MGST1: variants seen among roughly 807,000 people sequenced by gnomAD.
MGST1 encodes glutathione S-transferase 12.
In MGST1, 5 loss-of-function variants were observed where a neutral mutation model predicts 8.9. The observed-to-expected ratio is 0.56, with a 90% CI of 0.29 to 1.19. The LOEUF is 1.19. Among genes scored for constraint, MGST1 ranks in the 50% most tolerant of loss-of-function variants. The probability of loss-of-function intolerance (pLI) is 0.08; values close to 1 mark genes in which losing one functional copy is unlikely to be tolerated. For missense variants in MGST1, 182 were observed against 187.4 expected, an observed-to-expected ratio of 0.97 and a Z score of 0.17; for synonymous variants, 54 against 67.8, an observed-to-expected ratio of 0.80 and a Z score of 1.00.
chr12:16,356,498 C>T (rs1422943617), intron 2 of MGST1, among the ~76,000 whole-genome samples: 4 of 152,036 alleles, frequency 2.6e-5, no homozygotes, highest in African/African-American at 9.7e-5. Context: ...TTCTCTTCAA[C>T]ATCTTTATCT....
intron 1 of MGST1, among the ~76,000 whole-genome samples, chr12:16,352,258 T>C (rs1158189867): frequency 1.3e-5 from 2 of 152,216 alleles, no homozygotes; most frequent in East Asian, 3.9e-4. Context: ...TATGTGGTTT[T>C]TAATCACATT....
chr12:16,379,515 A>T (rs1044495717), downstream of MGST1, among the ~76,000 whole-genome samples: 4 of 152,164 alleles, frequency 2.6e-5, no homozygotes, highest in Non-Finnish European at 4.4e-5. Context: ...ATCATGGTGG[A>T]TAAGTTTTTG....
At chr12:16,434,545 A>G (rs1940967051) in intron 1 of MGST1, among the ~76,000 whole-genome samples, 1 of 152,124 alleles carries the variant, frequency 6.6e-6, no homozygotes, top group South Asian at 2.1e-4. Flanking sequence ...TTAGGAAATT[A>G]TACTATGACT....
intron 4 of MGST1, among the ~76,000 whole-genome samples, chr12:16,480,972 T>A (rs1395795806): frequency 1.3e-5 from 2 of 152,206 alleles, no homozygotes; most frequent in South Asian, 2.1e-4. Flanking sequence ...AAACATTTTT[T>A]AAAAATAACT....
intron 1 of MGST1, among the ~76,000 whole-genome samples, chr12:16,406,738 C>G (rs1418845536): frequency 2.0e-5 from 3 of 151,992 alleles, no homozygotes; most frequent in African/African-American, 4.8e-5. Context: ...AATAGAGAAC[C>G]CAGAAATAAA....
Position 16,535,728 on chromosome 12 carries a change from C to T in MGST1, n.483-53800C>T, listed in dbSNP as rs113886071. Among the ~76,000 whole-genome samples the T allele has an allele frequency of 3.1e-3, 473 of 152,232 alleles. 6 individuals carry two copies. The highest frequency in any genetic ancestry group is 0.011 in the African/African-American group (441 of 41,540). On this transcript the variant is annotated intron_variant and non_coding_transcript_variant, in intron 4 of 4. Transcript: ENST00000538857. ...GGCTCTTAATATATTTCCCACCAGG[C>T]AGGCTACTCTGCCCACAACCAAAAA...
chr12:16,475,232 A>T (rs1003673009), intron 4 of MGST1, among the ~76,000 whole-genome samples: 1 of 152,232 alleles, frequency 6.6e-6, no homozygotes, highest in African/African-American at 2.4e-5. Flanking sequence ...TAATGTTAAT[A>T]AAAATGGATG....
chr12:16,411,664 AGTT>A (rs1202208663), intron 1 of MGST1, among the ~76,000 whole-genome samples: 1 of 152,174 alleles, frequency 6.6e-6, no homozygotes, highest in Admixed American at 6.6e-5. Context: ...GTCATAATGA[AGTT>A]GTTTTCTAAT....
intron 1 of MGST1, among the ~76,000 whole-genome samples, chr12:16,417,398 CAATTTGGATTTGAATTGT>C (rs1258521541): frequency 3.3e-5 from 5 of 152,070 alleles, no homozygotes; most frequent in Non-Finnish European, 4.4e-5. Flanking sequence ...ACATGGAGTA[CAATTTGGATTTGAATTGT>C]AATTTGGATT....
chr12:16,540,324 G>A (rs1941785151), intron 4 of MGST1, among the ~76,000 whole-genome samples: 1 of 152,136 alleles, frequency 6.6e-6, no homozygotes, highest in East Asian at 1.9e-4. Flanking sequence ...CCAGGCTGCA[G>A]TGCAGAGCTG....
chr12:16,589,836 G>A (rs1195814111), downstream of MGST1, among the ~76,000 whole-genome samples: 2 of 152,062 alleles, frequency 1.3e-5, no homozygotes, highest in African/African-American at 4.8e-5. The surrounding 1 kb of genome is among the most constrained non-coding windows in gnomAD (Gnocchi z 4.2). Context: ...GTTAGAAATT[G>A]TAACAGAAAA....
At chr12:16,495,971 C>T (rs541274050) in intron 4 of MGST1, among the ~76,000 whole-genome samples, 1 of 152,028 alleles carries the variant, frequency 6.6e-6, no homozygotes. Flanking sequence ...ATTTATATGA[C>T]AAAAATATGA....
upstream of MGST1, chr12:16,382,786 AC>A (rs1591713053): frequency 6.5e-6 from 1 of 152,790 alleles, no homozygotes; most frequent in East Asian, 1.9e-4. Flanking sequence ...GGTGGGCTCC[AC>A]CCAGTTCCAG....
Position 16,458,577 on chromosome 12 carries a change from G to C in MGST1, n.482+74973G>C, listed in dbSNP as rs1941195884. On this transcript the variant is annotated intron_variant and non_coding_transcript_variant, in intron 4 of 4. Coordinates refer to the MGST1 transcript ENST00000538857. The surrounding 1 kb of genome is among the most constrained non-coding windows in gnomAD (Gnocchi z 4.0). The stretch of plus-strand genomic sequence containing the variant: ...CTTCATTGCTTTATCAATGAATCTT[G>C]GCTGTACAAGGAAAAGTATTGCTTT... 6.6e-6 allele frequency among the ~76,000 whole-genome samples: 1 copy of C among 151,948 alleles called. No homozygotes were observed. The highest frequency in any genetic ancestry group is 6.6e-5 in the Admixed American group (1 of 15,238).
In MGST1 at chr12:16,412,887, A is replaced by G. The variant is rs78721340; in HGVS notation, n.779-24501A>G. ...GACTAATACAGAGCCCTCCTCAAAA[A>G]CAGTAATTTTGAAAATAATATTTTT... On this transcript the variant is annotated intron_variant and non_coding_transcript_variant, in intron 1 of 1. Transcript: ENST00000359720. Among the ~76,000 whole-genome samples, 1,303 of 152,240 alleles carry G rather than the reference A, an allele frequency of 8.6e-3. 21 individuals are homozygous for G. Among genetic ancestry groups the G allele is most frequent in the East Asian group, 0.031 (159 of 5,178 alleles).
chr12:16,423,738 A>G (rs1263328068), intron 1 of MGST1, among the ~76,000 whole-genome samples: 1 of 152,192 alleles, frequency 6.6e-6, no homozygotes, highest in Non-Finnish European at 1.5e-5. Flanking sequence ...TATTGGTATT[A>G]CATTTTCTCC....
chr12:16,402,456 T>C (rs1476378100), intron 1 of MGST1: 1 of 1,589,632 alleles, frequency 6.3e-7, no homozygotes, highest in South Asian at 1.1e-5. Context: ...GTTCTGAGAA[T>C]CACGCGATGT....
At chr12:16,512,907 C>A (rs1171552116) in intron 4 of MGST1, among the ~76,000 whole-genome samples, 1 of 152,140 alleles carries the variant, frequency 6.6e-6, no homozygotes, top group East Asian at 1.9e-4. Context: ...GTGATAATCT[C>A]ATGAGAATCA....
downstream of MGST1, among the ~76,000 whole-genome samples, chr12:16,378,167 A>T (rs1030106654): frequency 6.6e-6 from 1 of 151,988 alleles, no homozygotes; most frequent in African/African-American, 2.4e-5. Flanking sequence ...CCCATTTGTC[A>T]ATTTTGGCTT....
Sources: allele counts gnomAD v4.1 joint callset (sites outside exome capture counted in the v4.1 genomes callset), GRCh38; gene constraint gnomAD v4.1.1; non-coding constraint Gnocchi (gnomAD v3.1); transcripts MANE v1.5; gene names NCBI Gene and HGNC (gene_info 2026-07-23, HGNC 2026-07-21).